The following MALRD1 variants were observed in gnomAD, a reference collection of about 807,000 sequenced individuals.
The protein encoded by MALRD1 is MAM and LDL-receptor class A domain-containing protein 1.
In MALRD1, 247 loss-of-function variants were observed where a neutral mutation model predicts 242.1. The observed-to-expected ratio is 1.02, with a 90% CI of 0.92 to 1.13. The LOEUF (loss-of-function observed/expected upper bound fraction) is 1.13, where lower values mean the gene tolerates loss of function less well. Among genes scored for constraint, MALRD1 ranks in the 50% most tolerant of loss-of-function variants. MALRD1 has a pLI of 0.00. For missense variants in MALRD1, 2,989 were observed against 2,533.1 expected, an observed-to-expected ratio of 1.18 and a Z score of -3.86; for synonymous variants, 995 against 866.6, an observed-to-expected ratio of 1.15 and a Z score of -2.60.
chr10:19,156,174 C>T (rs1834135746), intron 12 of MALRD1, among the ~76,000 whole-genome samples: 2 of 152,152 alleles, frequency 1.3e-5, no homozygotes, highest in African/African-American at 4.8e-5. Context: ...ACATATTATT[C>T]CGAGGTATAA....
At chr10:19,429,124 G>C (rs1403240288) in intron 28 of MALRD1, among the ~76,000 whole-genome samples, 1 of 152,166 alleles carries the variant, frequency 6.6e-6, no homozygotes, top group Non-Finnish European at 1.5e-5. Context: ...AAACACACTT[G>C]ACGACAAAGG....
rs997678898 is a variant in MALRD1 at position 19,103,076 on chromosome 10, T to C, written c.598-903T>C. On this transcript the variant is annotated intron_variant, in intron 4 of 39. Transcript: ENST00000454679. ...GTTTGCCCGGCTGGTCTAGAACTCC[T>C]GACCTCAAGTGATTCACCTGCCTCA... 2.0e-5 allele frequency among the ~76,000 whole-genome samples: 3 copies of C among 151,650 alleles called. No homozygotes were observed. The East Asian group carries it at 5.9e-4, about 30-fold the overall frequency.
At chr10:19,445,793 C>A (rs963244071) in intron 28 of MALRD1, among the ~76,000 whole-genome samples, 3 of 152,200 alleles carry the variant, frequency 2.0e-5, no homozygotes, top group African/African-American at 7.2e-5. Context: ...TCTCAAACTC[C>A]GTGCTGGGAG....
Position 19,669,029 on chromosome 10 carries a change from G to A in MALRD1, c.6138-23253G>A, listed in dbSNP as rs567198029. 2.0e-3 allele frequency among the ~76,000 whole-genome samples: 308 copies of A among 152,276 alleles called. 2 individuals carry two copies. Among genetic ancestry groups the A allele is most frequent in the African/African-American group, 6.1e-3 (252 of 41,570 alleles). ...AAATTTCAGGGAAACTGAGATGGCA[G>A]CACTATCCATAAAGATTATCTGTGA... On this transcript the variant is annotated intron_variant, in intron 36 of 39. Transcript: ENST00000454679.
intron 14 of MALRD1, among the ~76,000 whole-genome samples, chr10:19,197,707 A>G (rs1298320206): frequency 6.6e-6 from 1 of 152,190 alleles, no homozygotes; most frequent in African/African-American, 2.4e-5. Context: ...TGATAAAATT[A>G]CAGCCCTTTG....
chr10:19,104,183 A>G (rs1448735866), intron 5 of MALRD1, 108 bp downstream of exon 5: 2 of 586,422 alleles, frequency 3.4e-6, no homozygotes, highest in African/African-American at 1.9e-5. Context: ...TGATGTTTTC[A>G]TGTGGGATAT....
In MALRD1 at chr10:19,283,161, G is replaced by A. The variant is rs1397395674; in HGVS notation, c.3399G>A (p.Arg1133=). ...ISIHHGEENH[R]PSVDHTQNTT... ...TTCATCATGGGGAAGAAAACCACAG[G>A]CCATCAGTGGATCATACACAGTAAG... Residue 1133 remains arginine, a synonymous_variant, in exon 21 of 40, where the codon AGG becomes AGA. Coordinates refer to ENST00000454679, the MANE Select transcript of MALRD1 (RefSeq NM_001142308.3). 60 of 1,547,214 alleles carry A rather than the reference G, an allele frequency of 3.9e-5. No individual in the cohort carries two copies. The Middle Eastern group carries it at 1.0e-3, about 26-fold the overall frequency.
intron 28 of MALRD1, 140 bp from the exon 29 acceptor site, chr10:19,450,167 T>G: frequency 1.4e-6 from 1 of 733,524 alleles, no homozygotes; most frequent in Non-Finnish European, 2.1e-6. Flanking sequence ...AAGATCACCT[T>G]TCACAGATTC....
At chr10:19,342,963 A>G (rs1053756275) in intron 24 of MALRD1, among the ~76,000 whole-genome samples, 13 of 152,148 alleles carry the variant, frequency 8.5e-5, no homozygotes, top group Admixed American at 6.6e-5. Context: ...GAGATAATCC[A>G]TATTTTCCAA....
chr10:19,654,138 T>A (rs936965214), intron 36 of MALRD1, among the ~76,000 whole-genome samples: 2 of 152,192 alleles, frequency 1.3e-5, no homozygotes, highest in African/African-American at 4.8e-5. Flanking sequence ...AATGACAAAA[T>A]GATTTATCAC....
At chr10:19,480,847 G>C (rs191482788) in intron 29 of MALRD1, among the ~76,000 whole-genome samples, 17 of 152,156 alleles carry the variant, frequency 1.1e-4, no homozygotes, top group Non-Finnish European at 1.5e-4. Flanking sequence ...TGGCGGTTGG[G>C]GGGGATTGGG....
At position 19,237,906 on chromosome 10, in the gene MALRD1, A is replaced by ATATAGTTATATATAATTATATGTAATTT. The variant is rs1358808376; in HGVS notation, c.2992-19773_2992-19746dup. Among the ~76,000 whole-genome samples, 166 of 117,938 alleles carry ATATAGTTATATATAATTATATGTAATTT rather than the reference A, an allele frequency of 1.4e-3. 1 individual carries two copies. Among genetic ancestry groups the ATATAGTTATATATAATTATATGTAATTT allele is most frequent in the East Asian group, 3.7e-3 (15 of 4,106 alleles). The allele number at this position is 117,938 out of a possible 152,430, so 77.4% of individuals were successfully genotyped here. A position where few individuals can be genotyped will look rare whatever the true frequency, so the allele number is the denominator to read the frequency against. On this transcript the variant is annotated intron_variant, in intron 18 of 39. Coordinates refer to ENST00000454679, the MANE Select transcript of MALRD1 (RefSeq NM_001142308.3). ...AGTTATATACATTATAAATAATTTT[A>ATATAGTTATATATAATTATATGTAATTT]TATAGTTATATATAATTATATGTAA...
intron 36 of MALRD1, among the ~76,000 whole-genome samples, chr10:19,637,767 G>A (rs535608092): frequency 3.9e-5 from 6 of 152,056 alleles, no homozygotes; most frequent in Non-Finnish European, 8.8e-5. Flanking sequence ...TTGAAAAGCA[G>A]CCAGGTGATC....
intron 33 of MALRD1, among the ~76,000 whole-genome samples, chr10:19,591,872 G>A (rs1277213263): frequency 2.0e-5 from 3 of 152,148 alleles, no homozygotes; most frequent in South Asian, 4.1e-4. Context: ...TCTTCCAGGA[G>A]TATTAGTTTT....
chr10:19,077,494 A>G (rs1414116412), intron 2 of MALRD1, among the ~76,000 whole-genome samples: 1 of 151,936 alleles, frequency 6.6e-6, no homozygotes, highest in East Asian at 1.9e-4. Context: ...GAAATTATTA[A>G]TGCTGACCCT....
At chr10:19,101,075 T>C (rs113772793) in intron 4 of MALRD1, among the ~76,000 whole-genome samples, 1,715 of 151,860 alleles carry the variant, frequency 0.011, 49 homozygotes, top group Non-Finnish European at 0.01. Context: ...ATATACCAGG[T>C]GCTGTTTTAC....
At chr10:19,225,953 T>C (rs1837781645) in intron 18 of MALRD1, among the ~76,000 whole-genome samples, 1 of 152,200 alleles carries the variant, frequency 6.6e-6, no homozygotes, top group South Asian at 2.1e-4. Context: ...CAGCTTCCTC[T>C]GTAACCGTTG....
rs1305117963 is a variant in MALRD1 at position 19,237,661 on chromosome 10, TA to T, written c.2992-20020del. On this transcript the variant is annotated intron_variant, in intron 18 of 39. Coordinates refer to ENST00000454679, the MANE Select transcript of MALRD1 (RefSeq NM_001142308.3). ...ATATATAAATTATTATAATTATATA[TA>T]AATTATATAATTATATATAATTTAT... is the stretch of plus-strand genomic sequence containing the variant. Among the ~76,000 whole-genome samples the T allele has an allele frequency of 4.8e-3, 495 of 102,434 alleles. 9 individuals carry two copies. Among genetic ancestry groups the T allele is most frequent in the African/African-American group, 0.018 (469 of 26,416 alleles). 67.2% of individuals were successfully genotyped at this position (102,434 alleles called of 152,430 possible). A position where few individuals can be genotyped will look rare whatever the true frequency, so the allele number is the denominator to read the frequency against.
chr10:19,336,502 G>A (rs1233685748), intron 24 of MALRD1, among the ~76,000 whole-genome samples: 1 of 152,062 alleles, frequency 6.6e-6, no homozygotes, highest in Non-Finnish European at 1.5e-5. Flanking sequence ...ACAAAAAAGG[G>A]TTATAATTTT....
Sources: allele counts gnomAD v4.1 joint callset (sites outside exome capture counted in the v4.1 genomes callset), GRCh38; gene constraint gnomAD v4.1.1; transcripts MANE v1.5; gene names NCBI Gene and HGNC (gene_info 2026-07-23, HGNC 2026-07-21).